GRIN2A: variants seen among roughly 807,000 people sequenced by gnomAD.
GRIN2A encodes glutamate receptor ionotropic, NMDA 2A.
Under a neutral mutation model 113.4 loss-of-function variants are expected in GRIN2A, and 22 were observed. The ratio of observed to expected loss-of-function variants is 0.19; its 90% confidence interval spans 0.14 to 0.28. The LOEUF is 0.28. Ranked by LOEUF, GRIN2A falls within the 10% of genes least tolerant of loss-of-function variation. The pLI is 1.00. For synonymous variants in GRIN2A, 827 were observed against 738.4 expected (o/e 1.12, Z -1.94); for missense variants, 1,502 against 1,887.0 (o/e 0.80, Z 3.78).
chr16:10,093,943 A>C (rs1377961888), intron 2 of GRIN2A, among the ~76,000 whole-genome samples: 1 of 152,216 alleles, frequency 6.6e-6, no homozygotes, highest in Non-Finnish European at 1.5e-5. Context: ...TGTATCAATG[A>C]GAATGAAACC....
At chr16:9,818,209 A>C (rs143366884) in intron 10 of GRIN2A, among the ~76,000 whole-genome samples, 61 of 152,266 alleles carry the variant, frequency 4.0e-4, no homozygotes, top group African/African-American at 1.3e-3. Context: ...TGGGACGTTG[A>C]GAAGACACAA....
chr16:10,169,432 G>C (rs1567346657), intron 2 of GRIN2A, among the ~76,000 whole-genome samples: 1 of 152,180 alleles, frequency 6.6e-6, no homozygotes, highest in Non-Finnish European at 1.5e-5. Context: ...ATTGTTGTTT[G>C]AGCAGTGGGA....
chr16:10,152,012 T>C (rs1047662468), intron 2 of GRIN2A, among the ~76,000 whole-genome samples: 6 of 152,148 alleles, frequency 3.9e-5, no homozygotes, highest in African/African-American at 1.4e-4. Flanking sequence ...GAGATGCTGC[T>C]CTTGTCCTTC....
At chr16:9,951,004 C>A (rs1288433294) in intron 2 of GRIN2A, among the ~76,000 whole-genome samples, 1 of 152,126 alleles carries the variant, frequency 6.6e-6, no homozygotes, top group African/African-American at 2.4e-5. Context: ...GATTCCAAAA[C>A]CCTTGCTCTT....
intron 5 of GRIN2A, among the ~76,000 whole-genome samples, chr16:9,842,443 C>T (rs528333620): frequency 6.6e-6 from 1 of 152,224 alleles, no homozygotes; most frequent in South Asian, 2.1e-4. Flanking sequence ...GTTTGAATAT[C>T]CCATTTTTGG....
chr16:10,053,812 T>A (rs1399881167), intron 2 of GRIN2A, among the ~76,000 whole-genome samples: 5 of 152,192 alleles, frequency 3.3e-5, no homozygotes, highest in Admixed American at 1.3e-4. Context: ...AATACATCCA[T>A]AAATGGATAT....
At chr16:10,160,110 G>A (rs571836503) in intron 2 of GRIN2A, among the ~76,000 whole-genome samples, 5 of 152,274 alleles carry the variant, frequency 3.3e-5, no homozygotes, top group South Asian at 2.1e-4. Context: ...GTAAAAGTGC[G>A]TTTCCTTCAG....
At chr16:9,885,869 G>T (rs969190563) in intron 4 of GRIN2A, among the ~76,000 whole-genome samples, 2 of 152,238 alleles carry the variant, frequency 1.3e-5, no homozygotes, top group African/African-American at 4.8e-5. Context: ...GGCAGTATTT[G>T]TGCATTCTAA....
chr16:10,134,566 T>C (rs765605275), intron 2 of GRIN2A, among the ~76,000 whole-genome samples: 1 of 152,088 alleles, frequency 6.6e-6, no homozygotes, highest in Non-Finnish European at 1.5e-5. Flanking sequence ...ACAGGGGACA[T>C]GTATACCTAT....
rs1350556261 is a variant in GRIN2A, at chr16:9,764,862, C to T, written c.2682G>A (p.Met894Ile). The T allele has an allele frequency of 8.1e-6, 13 of 1,614,200 alleles. No individual in the cohort carries two copies. Among genetic ancestry groups the T allele is most frequent in the African/African-American group, 2.7e-5 (2 of 75,050 alleles). Residue 894 changes from methionine (M) to isoleucine (I), a missense_variant, in exon 13 of 13, where the codon ATG (methionine) becomes ATA (isoleucine). Physicochemically the swap from Met to Ile is conservative, Grantham distance 10. Around this residue, in one of 7 missense-constraint regions of GRIN2A, gnomAD observed 832 missense variants for 789.7 expected, o/e 1.05. Coordinates refer to ENST00000330684, the MANE Select transcript of GRIN2A (RefSeq NM_001134407.3). ...TTTTGGCTGACCGGAGGAGTTTTAA[C>T]ATGTTGCTCTGGGATCCCGTCAGAT... Reference protein sequence around the residue: ...DFNLTGSQSNMLKLLRSAKNI... With the variant: ...DFNLTGSQSNILKLLRSAKNI...
chr16:9,982,596 G>C (rs1437779434), intron 2 of GRIN2A, among the ~76,000 whole-genome samples: 1 of 152,128 alleles, frequency 6.6e-6, no homozygotes, highest in Non-Finnish European at 1.5e-5. Flanking sequence ...CATCCTCCAA[G>C]GGTTACCAAT....
intron 3 of GRIN2A, among the ~76,000 whole-genome samples, chr16:9,893,479 T>G (rs568952794): frequency 2.2e-4 from 34 of 152,354 alleles, no homozygotes; most frequent in African/African-American, 6.5e-4. Flanking sequence ...TTTTGTTATT[T>G]TTTTTAAGAC....
chr16:9,798,267 G>A lies in GRIN2A; in HGVS notation c.2356+10C>T, dbSNP rs780647266. The A allele has an allele frequency of 3.0e-5, 48 of 1,611,800 alleles. No homozygotes were observed. The East Asian group carries it at 6.3e-4, about 21-fold the overall frequency. On this transcript the variant is annotated intron_variant, in intron 11 of 12. Transcript: ENST00000330684. ...GTCCCCCTAAAGAAAGGGGTCACCC[G>A]GGGTCTTACCATCACCCACAAACTG... is the stretch of plus-strand genomic sequence containing the variant.
chr16:9,823,478 A>T (rs76525564), intron 9 of GRIN2A, among the ~76,000 whole-genome samples: 1,746 of 152,348 alleles, frequency 0.011, 38 homozygotes, highest in African/African-American at 0.04. Context: ...GCATTCAAAA[A>T]TAAAGCTATG....
At chr16:9,944,082 C>T (rs2044958012) in intron 2 of GRIN2A, among the ~76,000 whole-genome samples, 1 of 152,058 alleles carries the variant, frequency 6.6e-6, no homozygotes, top group African/African-American at 2.4e-5. Context: ...TTGTCAACCC[C>T]ACACCCATTT....
rs1162305510 is a variant in GRIN2A, at chr16:9,789,553, T to TATAC, written c.2356+8723_2356+8724insGTAT. On this transcript the variant is annotated intron_variant, in intron 11 of 12. Coordinates refer to ENST00000330684, the MANE Select transcript of GRIN2A (RefSeq NM_001134407.3). ...GTTGATAAGATATATGAAACATACA[T>TATAC]ACACACACACACACACACACACACA... 7.4e-5 allele frequency among the ~76,000 whole-genome samples: 11 copies of TATAC among 149,502 alleles called. No individual in the cohort carries two copies. The Admixed American group carries it at 7.4e-4, about 10-fold the overall frequency.
intron 3 of GRIN2A, among the ~76,000 whole-genome samples, chr16:9,919,177 A>C (rs909732563): frequency 1.3e-5 from 2 of 152,150 alleles, no homozygotes; most frequent in Non-Finnish European, 2.9e-5. Context: ...CATCTCAAAA[A>C]AATACATATA....
At chr16:10,063,578 G>A (rs8064187) in intron 2 of GRIN2A, among the ~76,000 whole-genome samples, 2,031 of 152,212 alleles carry the variant, frequency 0.013, 53 homozygotes, top group African/African-American at 0.047. Context: ...TGGATTTTCT[G>A]TCATAAACCA....
rs887186960 is a variant in GRIN2A, at chr16:9,761,604, C to G, written c.*1545G>C. The G allele has an allele frequency of 9.1e-5, 21 of 229,694 alleles. No homozygotes were observed. The highest frequency in any genetic ancestry group is 4.0e-4 in the African/African-American group (18 of 45,168). The allele number at this position is 229,694 out of a possible 1,614,324, so 14.2% of individuals were successfully genotyped here. A position where few individuals can be genotyped will look rare whatever the true frequency, so the allele number is the denominator to read the frequency against. ...AATTTTTAAACTAGAAAATCCTGAT[C>G]TGAGAAAGTGTCATAACATAGCAAC... is the stretch of plus-strand genomic sequence containing the variant. On this transcript the variant is annotated 3_prime_UTR_variant, in exon 13 of 13. Coordinates refer to ENST00000330684, the MANE Select transcript of GRIN2A (RefSeq NM_001134407.3).
Sources: allele counts gnomAD v4.1 joint callset (sites outside exome capture counted in the v4.1 genomes callset), GRCh38; gene constraint gnomAD v4.1.1; regional missense constraint gnomAD v4.1.1; transcripts MANE v1.5; gene names NCBI Gene and HGNC (gene_info 2026-07-23, HGNC 2026-07-21).